The following ANK2 variants were observed in gnomAD, a reference collection of about 807,000 sequenced individuals.
The protein encoded by ANK2 is ankyrin-2.
A neutral mutation model predicts 360.5 loss-of-function variants in ANK2; 83 were observed. The observed-to-expected ratio is 0.23, with a 90% CI of 0.19 to 0.28. The LOEUF is 0.28. ANK2 is among the 10% of genes least tolerant of loss of function. The pLI is 1.00. For synonymous variants in ANK2, 1,740 were observed against 1,759.5 expected, an observed-to-expected ratio of 0.99 and a Z score of 0.28; for missense variants, 4,201 against 4,795.7, an observed-to-expected ratio of 0.88 and a Z score of 3.66.
intron 2 of ANK2, among the ~76,000 whole-genome samples, chr4:113,039,163 G>C (rs769810339): frequency 9.2e-5 from 14 of 152,008 alleles, no homozygotes; most frequent in Non-Finnish European, 2.9e-5. Context: ...TTAGTGGTCA[G>C]TCATTAATTA....
Position 113,358,267 on chromosome 4 carries a change from G to A in ANK2, c.9649G>A (p.Ala3217Thr), listed in dbSNP as rs748917148. 8 of 1,613,910 alleles carry A rather than the reference G, an allele frequency of 5.0e-6. No individual in the cohort carries two copies. The change falls in exon 38 of 46, where the codon GCT (alanine) becomes ACT (threonine). Residue 3217 changes from alanine to threonine, a missense_variant. Around this residue, in one of 4 missense-constraint regions of ANK2, gnomAD observed 2,642 missense variants for 2,714.5 expected, o/e 0.97. Transcript: ENST00000357077. ...SASTETPTKE[A>T]VSVGTKDLPT... is the part of the protein sequence containing the mutation. Reference sequence around the variant, plus strand: ...CTCCACTGAAACACCTACAAAAGAAGCTGTTAGTGTAGGGACCAAGGACCT... The same window carrying A: ...CTCCACTGAAACACCTACAAAAGAAACTGTTAGTGTAGGGACCAAGGACCT...
chr4:113,051,453 C>G (rs1404843535), intron 1 of ANK2, among the ~76,000 whole-genome samples: 1 of 152,108 alleles, frequency 6.6e-6, no homozygotes, highest in Non-Finnish European at 1.5e-5. Flanking sequence ...TAATAACTAT[C>G]ATATCTTTAA....
At chr4:112,731,732 CA>C in the ANK2 span, among the ~76,000 whole-genome samples, 3,376 of 131,952 alleles carry the variant, frequency 0.026, 111 homozygotes, top group African/African-American at 0.08. Flanking sequence ...GACCTTGTCT[CA>C]AAAAAAAAAA....
chr4:113,278,591 G>A (rs556360308), intron 17 of ANK2, 33 bp downstream of exon 17: 1 of 1,590,168 alleles, frequency 6.3e-7, no homozygotes, highest in South Asian at 1.1e-5. Flanking sequence ...TACAGGCATA[G>A]GGTGTAACTA....
intron 2 of ANK2, among the ~76,000 whole-genome samples, chr4:112,912,067 C>T (rs1044802631): frequency 1.3e-5 from 2 of 151,618 alleles, no homozygotes; most frequent in South Asian, 2.1e-4. Flanking sequence ...GTCCCAGCTA[C>T]TCGGGAGGCT....
In ANK2 at chr4:113,012,437, C is replaced by T. The variant is rs928810507; in HGVS notation, c.21+107923C>T. On this transcript the variant is annotated intron_variant, in intron 2 of 30. Transcript: ENST00000503271. Reference sequence around the variant, plus strand: ...GTCTTTCCTTTCAGAGAATAAGCTCCATCAGTTTCTCATATCAACTCTGGT... The same window carrying T: ...GTCTTTCCTTTCAGAGAATAAGCTCTATCAGTTTCTCATATCAACTCTGGT... Among the ~76,000 whole-genome samples the T allele has an allele frequency of 3.3e-5, 5 of 152,238 alleles. No homozygotes were observed. In the South Asian group the frequency reaches 1.0e-3, roughly 32 times the overall value.
intron 45 of ANK2, among the ~76,000 whole-genome samples, chr4:113,375,183 C>T (rs2096880866): frequency 6.6e-6 from 1 of 152,190 alleles, no homozygotes; most frequent in Non-Finnish European, 1.5e-5. Context: ...GGATTTGCTT[C>T]TGCTGAATCA....
intron 1 of ANK2, among the ~76,000 whole-genome samples, chr4:113,155,192 G>T (rs145395283): frequency 1.2e-4 from 19 of 152,190 alleles, no homozygotes; most frequent in African/African-American, 4.3e-4. Context: ...TTTGTGAACC[G>T]AGTATTAACA....
chr4:112,978,246 GA>G (rs1037611416), intron 2 of ANK2, among the ~76,000 whole-genome samples: 67 of 141,514 alleles, frequency 4.7e-4, no homozygotes, highest in South Asian at 1.1e-3. Context: ...TCTGTCTCAA[GA>G]AAAAAAAAAA....
chr4:113,095,199 G>A lies in ANK2; in HGVS notation c.84+45387G>A, dbSNP rs952284255. ...ATGCTTGACTGCAGTTATTACTCAGGAATTTTTCACAGAGGAAACATCAAG... is the reference window on the plus strand; with the variant it reads ...ATGCTTGACTGCAGTTATTACTCAGAAATTTTTCACAGAGGAAACATCAAG... On this transcript the variant is annotated intron_variant, in intron 1 of 45. Coordinates refer to ENST00000357077, the MANE Select transcript of ANK2 (RefSeq NM_001148.6). Among the ~76,000 whole-genome samples, 5 of 152,138 alleles carry A rather than the reference G, an allele frequency of 3.3e-5. No individual in the cohort carries two copies. The South Asian group carries it at 6.2e-4, about 19-fold the overall frequency.
chr4:113,113,107 A>G (rs1445100524), intron 1 of ANK2, among the ~76,000 whole-genome samples: 1 of 152,158 alleles, frequency 6.6e-6, no homozygotes, highest in African/African-American at 2.4e-5. Context: ...AGCCTCAACT[A>G]TGGATTAACA....
chr4:112,769,049 G>A, the ANK2 span, among the ~76,000 whole-genome samples: 3 of 152,166 alleles, frequency 2.0e-5, no homozygotes, highest in Non-Finnish European at 4.4e-5. Context: ...GAGGTTACAT[G>A]GCTCCGCTGA....
intron 23 of ANK2, among the ~76,000 whole-genome samples, chr4:113,309,088 A>G (rs1357185487): frequency 2.6e-5 from 4 of 152,158 alleles, no homozygotes; most frequent in Non-Finnish European, 5.9e-5. Flanking sequence ...GTTAATTTCT[A>G]CTTGCTTTCA....
chr4:113,330,222 C>G (rs777864279), intron 26 of ANK2, 24 bp from the exon 27 acceptor site: 26 of 1,601,932 alleles, frequency 1.6e-5, no homozygotes, highest in Non-Finnish European at 2.1e-5. Flanking sequence ...CAAAACATAT[C>G]TAATCTTCTA....
chr4:112,858,180 C>G (rs2066915279), intron 1 of ANK2, among the ~76,000 whole-genome samples: 1 of 152,074 alleles, frequency 6.6e-6, no homozygotes, highest in African/African-American at 2.4e-5. Flanking sequence ...GTTCTAGTAT[C>G]CTTTGTAAAG....
the ANK2 span, among the ~76,000 whole-genome samples, chr4:112,713,532 G>A: frequency 1.3e-5 from 2 of 152,126 alleles, no homozygotes; most frequent in Admixed American, 1.3e-4. Context: ...TCGCGCCATT[G>A]CACTTTAGCC....
chr4:113,373,594 T>A lies in ANK2; in HGVS notation c.11859+145T>A, dbSNP rs573347246. 6.5e-5 allele frequency: 57 copies of A among 876,228 alleles called. No homozygotes were observed. The Admixed American group carries it at 6.9e-4, about 11-fold the overall frequency. The allele number at this position is 876,228 out of a possible 1,614,324, so 54.3% of individuals were successfully genotyped here. A position where few individuals can be genotyped will look rare whatever the true frequency, so the allele number is the denominator to read the frequency against. ...GCTCTTAGTTGCACATTCACCTTTTTGTTTTCATGATTCTATGTGATTTTA... is the reference window on the plus strand; with the variant it reads ...GCTCTTAGTTGCACATTCACCTTTTAGTTTTCATGATTCTATGTGATTTTA... On this transcript the variant is annotated intron_variant, in intron 45 of 45. Coordinates refer to ENST00000357077, the MANE Select transcript of ANK2 (RefSeq NM_001148.6).
chr4:112,707,499 A>G, the ANK2 span, among the ~76,000 whole-genome samples: 2 of 152,266 alleles, frequency 1.3e-5, no homozygotes, highest in East Asian at 1.9e-4. Flanking sequence ...ACTTGGAGCT[A>G]TTCTTTTTTT....
At chr4:112,742,966 T>C in the ANK2 span, among the ~76,000 whole-genome samples, 12 of 152,130 alleles carry the variant, frequency 7.9e-5, no homozygotes, top group Non-Finnish European at 1.3e-4. Context: ...TCATTCCACA[T>C]CTTCTGAGAT....
Sources: allele counts gnomAD v4.1 joint callset (sites outside exome capture counted in the v4.1 genomes callset), GRCh38; gene constraint gnomAD v4.1.1; regional missense constraint gnomAD v4.1.1; transcripts MANE v1.5; gene names NCBI Gene and HGNC (gene_info 2026-07-23, HGNC 2026-07-21).